Variants in PTPRD observed in about 807,000 individuals in gnomAD.
The protein encoded by PTPRD is protein tyrosine phosphatase receptor type D, also known as receptor-type tyrosine-protein phosphatase delta.
In PTPRD, 34 loss-of-function variants were observed where a neutral mutation model predicts 214.5. The ratio of observed to expected loss-of-function variants is 0.16; its 90% CI spans 0.12 to 0.21. The LOEUF (loss-of-function observed/expected upper bound fraction) is 0.21. PTPRD is among the 10% of genes least tolerant of loss of function. The probability of loss-of-function intolerance (pLI) is 1.00; values close to 1 mark genes in which losing one functional copy is unlikely to be tolerated. For synonymous variants in PTPRD, 1,128 were observed against 845.7 expected (o/e 1.33, Z -5.79); for missense variants, 2,545 against 2,398.7 (o/e 1.06, Z -1.27).
intron 2 of PTPRD, among the ~76,000 whole-genome samples, chr9:10,485,831 G>C (rs1033097724): frequency 2.6e-5 from 4 of 151,878 alleles, no homozygotes; most frequent in African/African-American, 9.7e-5. Flanking sequence ...TCTTGTTCCT[G>C]CATACAATTG....
chr9:8,459,307 A>T (rs967953552), intron 33 of PTPRD, among the ~76,000 whole-genome samples: 2 of 152,082 alleles, frequency 1.3e-5, no homozygotes, highest in Non-Finnish European at 2.9e-5. Flanking sequence ...ACAGGGAGAG[A>T]AGCTATCTTG....
At chr9:9,296,351 G>C (rs1282570642) in intron 9 of PTPRD, among the ~76,000 whole-genome samples, 1 of 151,602 alleles carries the variant, frequency 6.6e-6, no homozygotes, top group Non-Finnish European at 1.5e-5. Flanking sequence ...AGTCTTGCCT[G>C]GGTAATTAAG....
At chr9:9,764,586 T>C (rs1015061189) in intron 6 of PTPRD, among the ~76,000 whole-genome samples, 1 of 152,164 alleles carries the variant, frequency 6.6e-6, no homozygotes. Flanking sequence ...AAAATCCAGC[T>C]GATTACAGAA....
chr9:10,133,277 A>T (rs2098915459), intron 3 of PTPRD, among the ~76,000 whole-genome samples: 1 of 152,152 alleles, frequency 6.6e-6, no homozygotes, highest in Non-Finnish European at 1.5e-5. Context: ...AGACTAAGCA[A>T]ATGTCAGAAA....
chr9:8,701,938 C>T (rs1162844492), intron 12 of PTPRD, among the ~76,000 whole-genome samples: 2 of 152,148 alleles, frequency 1.3e-5, no homozygotes, highest in Non-Finnish European at 2.9e-5. Context: ...TTTTGAACAA[C>T]AGAATGATCA....
chr9:9,993,256 T>C (rs895311372), intron 4 of PTPRD, among the ~76,000 whole-genome samples: 1 of 152,202 alleles, frequency 6.6e-6, no homozygotes, highest in Non-Finnish European at 1.5e-5. Context: ...GACATATGCA[T>C]AAACAATGGC....
At chr9:9,746,386 A>G (rs1034289905) in intron 6 of PTPRD, among the ~76,000 whole-genome samples, 1 of 152,198 alleles carries the variant, frequency 6.6e-6, no homozygotes, top group Non-Finnish European at 1.5e-5. Context: ...TTTGGAGAAA[A>G]CATATCTAAA....
chr9:8,344,631 C>G (rs998117049), intron 39 of PTPRD, among the ~76,000 whole-genome samples: 1 of 151,934 alleles, frequency 6.6e-6, no homozygotes, highest in Admixed American at 6.6e-5. Flanking sequence ...AGGGAAGGAG[C>G]TGACGTTTGG....
At chr9:9,238,481 A>G (rs1234789597) in intron 9 of PTPRD, among the ~76,000 whole-genome samples, 1 of 152,040 alleles carries the variant, frequency 6.6e-6, no homozygotes, top group Non-Finnish European at 1.5e-5. Flanking sequence ...TTAAGTGAGG[A>G]AGGCCTCGGG....
intron 8 of PTPRD, among the ~76,000 whole-genome samples, chr9:9,559,188 C>T (rs866458150): frequency 2.6e-5 from 4 of 152,092 alleles, no homozygotes; most frequent in African/African-American, 9.7e-5. Flanking sequence ...TACCCATCAA[C>T]ACACCCATCC....
intron 10 of PTPRD, among the ~76,000 whole-genome samples, chr9:9,177,943 T>A (rs568324961): frequency 6.6e-6 from 1 of 152,232 alleles, no homozygotes; most frequent in South Asian, 2.1e-4. Flanking sequence ...AGGCATCAAT[T>A]TGAAACATGA....
chr9:10,030,352 T>C (rs141481427), intron 4 of PTPRD, among the ~76,000 whole-genome samples: 4 of 152,360 alleles, frequency 2.6e-5, no homozygotes, highest in African/African-American at 7.2e-5. Flanking sequence ...AAAAGGTGTT[T>C]GTGATAATAT....
chr9:8,522,516 CT>C (rs2097911663), intron 19 of PTPRD, among the ~76,000 whole-genome samples: 1 of 152,160 alleles, frequency 6.6e-6, no homozygotes, highest in Non-Finnish European at 1.5e-5. Context: ...ACAACAAAAT[CT>C]TTTAAAAGGC....
At chr9:9,507,826 G>C (rs978903924) in intron 8 of PTPRD, among the ~76,000 whole-genome samples, 3 of 151,384 alleles carry the variant, frequency 2.0e-5, no homozygotes, top group African/African-American at 7.3e-5. Flanking sequence ...TGTTCAGGTT[G>C]CTATGGTAAT....
chr9:10,029,893 T>G (rs1227566892), intron 4 of PTPRD, among the ~76,000 whole-genome samples: 2 of 152,160 alleles, frequency 1.3e-5, no homozygotes, highest in South Asian at 4.1e-4. Flanking sequence ...CACTCAAATT[T>G]CATCTTGAAT....
intron 7 of PTPRD, among the ~76,000 whole-genome samples, chr9:9,685,678 G>A (rs929264291): frequency 6.6e-6 from 1 of 150,922 alleles, no homozygotes; most frequent in Non-Finnish European, 1.5e-5. Flanking sequence ...AGAATTGGCT[G>A]CTCTTAAGTA....
intron 11 of PTPRD, among the ~76,000 whole-genome samples, chr9:8,738,371 C>T (rs1258329007): frequency 1.3e-5 from 2 of 149,554 alleles, no homozygotes; most frequent in Non-Finnish European, 2.9e-5. Context: ...ACTATTTTTT[C>T]AGCTTTCTAT....
At chr9:10,372,674 G>C (rs770249547) in intron 2 of PTPRD, among the ~76,000 whole-genome samples, 2 of 151,872 alleles carry the variant, frequency 1.3e-5, no homozygotes, top group Non-Finnish European at 2.9e-5. Context: ...TACATAGTGA[G>C]TATGTTACAA....
chr9:9,444,462 T>C (rs1200279736), intron 8 of PTPRD, among the ~76,000 whole-genome samples: 2 of 152,204 alleles, frequency 1.3e-5, no homozygotes, highest in Admixed American at 6.5e-5. Flanking sequence ...ATATTGTGCC[T>C]AGCATGGCAT....
Sources: gnomAD v4.1 joint callset for allele counts (sites outside exome capture counted in the v4.1 genomes callset) on GRCh38, gnomAD v4.1.1 for gene constraint, MANE v1.5 for transcripts, NCBI Gene and HGNC (gene_info 2026-07-23, HGNC 2026-07-21) for gene names.